The following CD46 variants were observed in gnomAD, a reference collection of about 807,000 sequenced individuals.
CD46 encodes CD46 molecule, also known as membrane cofactor protein.
CD46 carries 30 observed loss-of-function variants against 53.3 expected under a neutral mutation model. The ratio of observed to expected loss-of-function variants is 0.56; its 90% CI spans 0.42 to 0.76. CD46 has a LOEUF of 0.76. CD46 is among the 30% of genes least tolerant of loss of function. The probability of loss-of-function intolerance (pLI) is 0.00; values close to 1 mark genes in which losing one functional copy is unlikely to be tolerated. For synonymous variants in CD46, 142 were observed against 152.0 expected (o/e 0.93, Z 0.48); for missense variants, 409 against 463.0 (o/e 0.88, Z 1.07).
rs749866067 is a variant in CD46 at position 207,793,578 on chromosome 1, A to AGC, written c.*102_*103dup. The AGC allele has an allele frequency of 6.8e-6, 11 of 1,613,790 alleles. No individual in the cohort carries two copies. The African/African-American group carries it at 1.5e-4, about 22-fold the overall frequency. ...CAGACTAAATCAACCACTCCAGCAGAGCAGAGAGGCTGAATAGATTCCACA... is the reference window on the plus strand; with the variant it reads ...CAGACTAAATCAACCACTCCAGCAGAGCGCAGAGAGGCTGAATAGATTCCACA... On this transcript the variant is annotated 3_prime_UTR_variant, in exon 13 of 13. Coordinates refer to ENST00000367042, the MANE Select transcript of CD46 (RefSeq NM_172351.3).
intron 3 of CD46, among the ~76,000 whole-genome samples, chr1:207,758,416 T>C (rs1303552843): frequency 6.6e-6 from 1 of 152,162 alleles, no homozygotes; most frequent in Admixed American, 6.5e-5. Flanking sequence ...AAATTTAGCA[T>C]GTGCAAAAAA....
intron 1 of CD46, among the ~76,000 whole-genome samples, chr1:207,754,953 T>TA (rs5780402): frequency 0.12 from 16,301 of 133,014 alleles, 1,289 homozygotes; most frequent in African/African-American, 0.23. Context: ...ACAAAACATG[T>TA]AAAAAAAAAA....
intron 7 of CD46, chr1:207,768,080 T>G (rs1657067977): frequency 4.8e-6 from 2 of 413,240 alleles, no homozygotes; most frequent in Admixed American, 3.8e-5. Flanking sequence ...ACATTATATA[T>G]AGAGAAATTG....
intron 8 of CD46, 141 bp downstream of exon 8, chr1:207,770,503 A>G: frequency 1.5e-6 from 1 of 648,714 alleles, no homozygotes; most frequent in Non-Finnish European, 2.8e-6. Context: ...TGCTGCACCC[A>G]TCAACTCATC....
intron 8 of CD46, among the ~76,000 whole-genome samples, chr1:207,774,129 A>G (rs896974632): frequency 6.6e-6 from 1 of 152,012 alleles, no homozygotes; most frequent in African/African-American, 2.4e-5. Context: ...TCCCTTTACC[A>G]TTATGTAGTG....
At chr1:207,789,539 T>A (rs2102708015) in intron 11 of CD46, among the ~76,000 whole-genome samples, 1 of 152,264 alleles carries the variant, frequency 6.6e-6, no homozygotes, top group Admixed American at 6.5e-5. Context: ...CTTACAAAAT[T>A]AGATCCATCT....
intron 9 of CD46, among the ~76,000 whole-genome samples, chr1:207,784,750 G>A (rs892112529): frequency 6.6e-6 from 1 of 152,180 alleles, no homozygotes; most frequent in African/African-American, 2.4e-5. Context: ...TGGAGGAAGG[G>A]GAAGCAAACA....
At chr1:207,760,914 T>C in intron 4 of CD46, 1 of 333,986 alleles carries the variant, frequency 3.0e-6, no homozygotes, top group Non-Finnish European at 5.7e-6. Context: ...TCATGAGAAA[T>C]CCACCCCCAT....
chr1:207,790,603 T>G (rs960384499), intron 12 of CD46, among the ~76,000 whole-genome samples: 2 of 152,208 alleles, frequency 1.3e-5, no homozygotes, highest in African/African-American at 2.4e-5. Context: ...ACGATCTCAC[T>G]TCTACCTTGT....
At chr1:207,775,882 G>A (rs1277624900) in intron 8 of CD46, among the ~76,000 whole-genome samples, 3 of 152,198 alleles carry the variant, frequency 2.0e-5, no homozygotes, top group Non-Finnish European at 4.4e-5. Flanking sequence ...CATGTTCAGA[G>A]CACCACTGCT....
intron 8 of CD46, among the ~76,000 whole-genome samples, chr1:207,780,435 A>T (rs2102664848): frequency 6.6e-6 from 1 of 152,182 alleles, no homozygotes; most frequent in African/African-American, 2.4e-5. Flanking sequence ...TATTTCATTT[A>T]TTCATTCATC....
intron 4 of CD46, 42 bp downstream of exon 4, chr1:207,759,766 C>A: frequency 8.0e-7 from 1 of 1,244,514 alleles, no homozygotes; most frequent in East Asian, 2.3e-5. Flanking sequence ...CAGTAGTCCT[C>A]AAAGATTTTT....
intron 11 of CD46, among the ~76,000 whole-genome samples, chr1:207,789,240 T>C (rs1291302692): frequency 6.6e-6 from 1 of 152,236 alleles, no homozygotes; most frequent in East Asian, 1.9e-4. Context: ...ACATAATTTA[T>C]ATATTTATTA....
At chr1:207,763,579 G>A (rs1656484607) in intron 5 of CD46, among the ~76,000 whole-genome samples, 1 of 152,082 alleles carries the variant, frequency 6.6e-6, no homozygotes, top group East Asian at 1.9e-4. Context: ...AATTTAGGTA[G>A]GTGAATTTCT....
intron 12 of CD46, among the ~76,000 whole-genome samples, chr1:207,791,955 T>A (rs183513831): frequency 3.9e-5 from 6 of 152,300 alleles, no homozygotes; most frequent in Non-Finnish European, 8.8e-5. Context: ...AGAAAGAGAT[T>A]CTACTACTAT....
At chr1:207,791,722 G>A (rs1261951268) in intron 12 of CD46, among the ~76,000 whole-genome samples, 1 of 152,154 alleles carries the variant, frequency 6.6e-6, no homozygotes, top group Non-Finnish European at 1.5e-5. Context: ...TAGTCTCTTA[G>A]GACACTTTTG....
At chr1:207,753,860 T>C (rs1362990009) in intron 1 of CD46, among the ~76,000 whole-genome samples, 1 of 152,222 alleles carries the variant, frequency 6.6e-6, no homozygotes, top group East Asian at 1.9e-4. Flanking sequence ...ACGTTGCATT[T>C]TTTTCCTTAG....
At chr1:207,767,565 A>G (rs1460376260) in intron 6 of CD46, 1 of 1,471,596 alleles carries the variant, frequency 6.8e-7, no homozygotes, top group Non-Finnish European at 9.5e-7. Context: ...GAGAGCAATA[A>G]CTCCCAAGTG....
rs186194530 is a variant in CD46, at chr1:207,779,962, C to T, written c.944-3330C>T. ...TAGTACTATATGTTTTAATAACTGC[C>T]GGGAACACTTCCTTTTCAGAAATTT... On this transcript the variant is annotated intron_variant, in intron 8 of 12. Transcript: ENST00000367042. Among the ~76,000 whole-genome samples the T allele has an allele frequency of 1.7e-3, 163 of 93,536 alleles. 1 individual carries two copies. Among genetic ancestry groups the T allele is most frequent in the African/African-American group, 5.9e-3 (151 of 25,704 alleles). 61.4% of individuals were successfully genotyped at this position (93,536 alleles called of 152,430 possible). A position where few individuals can be genotyped will look rare whatever the true frequency, so the allele number is the denominator to read the frequency against.
Sources: allele counts gnomAD v4.1 joint callset (sites outside exome capture counted in the v4.1 genomes callset), GRCh38; gene constraint gnomAD v4.1.1; transcripts MANE v1.5; gene names NCBI Gene and HGNC (gene_info 2026-07-23, HGNC 2026-07-21).